GLG1: variants seen among roughly 807,000 people sequenced by gnomAD.
The protein encoded by GLG1 is golgi glycoprotein 1, also known as Golgi apparatus protein 1.
Under a neutral mutation model 160.5 loss-of-function variants are expected in GLG1, and 38 were observed. The ratio of observed to expected loss-of-function variants is 0.24; its 90% CI spans 0.18 to 0.31. GLG1 has a LOEUF of 0.31. Among genes scored for constraint, GLG1 ranks in the 10% least tolerant of loss-of-function variants. The probability of loss-of-function intolerance (pLI) is 1.00; values close to 1 mark genes in which losing one functional copy is unlikely to be tolerated. For missense variants in GLG1, 1,373 were observed against 1,505.2 expected (o/e 0.91, Z 1.45); for synonymous variants, 644 against 543.4 (o/e 1.19, Z -2.57).
At chr16:74,558,550 G>A (rs1597345801) in intron 1 of GLG1, among the ~76,000 whole-genome samples, 1 of 152,298 alleles carries the variant, frequency 6.6e-6, no homozygotes, top group East Asian at 1.9e-4. Flanking sequence ...TAACCTGCAT[G>A]GCTTTCGCCC....
At chr16:74,569,462 C>T (rs1189153661) in intron 1 of GLG1, among the ~76,000 whole-genome samples, 1 of 152,158 alleles carries the variant, frequency 6.6e-6, no homozygotes, top group East Asian at 1.9e-4. Flanking sequence ...CATTCACAAA[C>T]CTGGAACACA....
chr16:74,482,916 T>A lies in GLG1; in HGVS notation c.1673+107A>T, dbSNP rs2015654831. 1.2e-5 allele frequency: 9 copies of A among 723,026 alleles called. No individual in the cohort carries two copies. In the East Asian group the frequency reaches 2.3e-4, roughly 18 times the overall value. 44.8% of individuals were successfully genotyped at this position (723,026 alleles called of 1,614,324 possible). A position where few individuals can be genotyped will look rare whatever the true frequency, so the allele number is the denominator to read the frequency against. ...TGGAGTGTGTTAGCTGTCCCAGAACTGAACAAAAAGAGTTTCCTACTGATT... is the reference window on the plus strand; with the variant it reads ...TGGAGTGTGTTAGCTGTCCCAGAACAGAACAAAAAGAGTTTCCTACTGATT... On this transcript the variant is annotated intron_variant, in intron 10 of 25. Coordinates refer to ENST00000422840, the MANE Select transcript of GLG1 (RefSeq NM_001145667.2).
intron 22 of GLG1, 65 bp from the exon 23 acceptor site, chr16:74,459,854 C>CT (rs71158515): frequency 0.28 from 174,193 of 628,370 alleles, 7,410 homozygotes; most frequent in Middle Eastern, 0.31. Flanking sequence ...ACAGTTTCTT[C>CT]TTTTTTTTTT....
chr16:74,484,484 C>T (rs369984911), intron 9 of GLG1, among the ~76,000 whole-genome samples: 87 of 151,954 alleles, frequency 5.7e-4, no homozygotes, highest in East Asian at 4.7e-3. Context: ...TATTTTTGGC[C>T]GGGCGTGGTG....
At chr16:74,541,580 CTATTA>C (rs2017868649) in intron 1 of GLG1, among the ~76,000 whole-genome samples, 1 of 152,098 alleles carries the variant, frequency 6.6e-6, no homozygotes, top group African/African-American at 2.4e-5. Flanking sequence ...CCTCATGGGG[CTATTA>C]TAAGCATCAG....
intron 8 of GLG1, among the ~76,000 whole-genome samples, chr16:74,490,234 C>T (rs1317567545): frequency 1.3e-5 from 2 of 152,292 alleles, no homozygotes; most frequent in South Asian, 2.1e-4. Flanking sequence ...AATACATTAA[C>T]TTGTGTTTTG....
chr16:74,597,982 C>A (rs147624578), intron 1 of GLG1, among the ~76,000 whole-genome samples: 63 of 152,216 alleles, frequency 4.1e-4, no homozygotes, highest in African/African-American at 1.3e-3. Flanking sequence ...CACCACTGCA[C>A]TCCAGCCTGG....
intron 1 of GLG1, among the ~76,000 whole-genome samples, chr16:74,546,487 G>A (rs2018049583): frequency 6.6e-6 from 1 of 152,178 alleles, no homozygotes; most frequent in Non-Finnish European, 1.5e-5. Context: ...TTTGATTTAA[G>A]ACTTCTGAAA....
chr16:74,526,860 G>C (rs1411858721), intron 2 of GLG1, among the ~76,000 whole-genome samples: 2 of 152,198 alleles, frequency 1.3e-5, no homozygotes, highest in Non-Finnish European at 2.9e-5. Flanking sequence ...TCCTAACTAT[G>C]AGGTAGAATT....
chr16:74,533,145 C>T (rs1279005391), intron 1 of GLG1, among the ~76,000 whole-genome samples: 5 of 151,774 alleles, frequency 3.3e-5, no homozygotes, highest in African/African-American at 4.8e-5. Context: ...ACAGTGAAAC[C>T]CTGTCCCTAC....
At chr16:74,468,861 T>C (rs1328978857) in intron 17 of GLG1, 85 bp downstream of exon 17, 4 of 807,324 alleles carry the variant, frequency 5.0e-6, no homozygotes, top group African/African-American at 1.7e-5. Flanking sequence ...GTGGATAAAA[T>C]GCCTCCCCCT....
chr16:74,536,903 G>A (rs1488320383), intron 1 of GLG1, among the ~76,000 whole-genome samples: 1 of 152,144 alleles, frequency 6.6e-6, no homozygotes, highest in Non-Finnish European at 1.5e-5. Flanking sequence ...CTAGCCTGTG[G>A]AGGCATCAAA....
chr16:74,558,950 C>T (rs145239124), intron 1 of GLG1, among the ~76,000 whole-genome samples: 1 of 152,206 alleles, frequency 6.6e-6, no homozygotes, highest in Non-Finnish European at 1.5e-5. Flanking sequence ...TGCAGTCACA[C>T]AGACATAGCT....
intron 3 of GLG1, among the ~76,000 whole-genome samples, chr16:74,508,019 A>G (rs1238812240): frequency 2.0e-5 from 3 of 152,152 alleles, no homozygotes; most frequent in Non-Finnish European, 2.9e-5. Flanking sequence ...TTAAAAGAAT[A>G]AAACATAACT....
chr16:74,467,343 A>T (rs1185659152), intron 18 of GLG1, among the ~76,000 whole-genome samples: 2 of 151,838 alleles, frequency 1.3e-5, no homozygotes, highest in African/African-American at 2.4e-5. Flanking sequence ...TCTGTCTATT[A>T]AAAAAAAGTG....
intron 24 of GLG1, 67 bp from the exon 25 acceptor site, chr16:74,456,822 T>C: frequency 1.0e-6 from 1 of 972,478 alleles, no homozygotes; most frequent in East Asian, 2.4e-5. Context: ...TCTGTAAAGA[T>C]GAGGAAGAGG....
intron 1 of GLG1, among the ~76,000 whole-genome samples, chr16:74,538,221 G>A (rs1376331486): frequency 1.3e-5 from 2 of 149,810 alleles, no homozygotes; most frequent in Non-Finnish European, 3.0e-5. Context: ...TGCTTTTACA[G>A]CCTTAGAAAA....
chr16:74,514,299 G>A (rs1353127647), intron 2 of GLG1, among the ~76,000 whole-genome samples: 1 of 152,130 alleles, frequency 6.6e-6, no homozygotes, highest in South Asian at 2.1e-4. Context: ...ACACCACAAA[G>A]ATACTCATCA....
chr16:74,573,395 T>A (rs994129756), intron 1 of GLG1, among the ~76,000 whole-genome samples: 28 of 152,122 alleles, frequency 1.8e-4, no homozygotes, highest in African/African-American at 6.8e-4. Context: ...TTCTGAAAAT[T>A]TGATGCCAGT....
Sources: gnomAD v4.1 joint callset for allele counts (sites outside exome capture counted in the v4.1 genomes callset) on GRCh38, gnomAD v4.1.1 for gene constraint, MANE v1.5 for transcripts, NCBI Gene and HGNC (gene_info 2026-07-23, HGNC 2026-07-21) for gene names.